PRR11: variants seen among roughly 807,000 people sequenced by gnomAD.
PRR11 encodes the protein proline-rich protein 11.
A neutral mutation model predicts 45.6 loss-of-function variants in PRR11; 30 were observed. That is an observed-to-expected ratio of 0.66 (90% CI 0.49 to 0.89). The LOEUF is 0.89. Ranked by LOEUF, PRR11 falls within the 40% of genes least tolerant of loss-of-function variation. The pLI, the probability that PRR11 is intolerant of heterozygous loss-of-function variation, is 0.00. For missense variants in PRR11, 373 were observed against 424.8 expected (o/e 0.88, Z 1.07); for synonymous variants, 128 against 153.5 (o/e 0.83, Z 1.23).
At chr17:59,198,566 C>T (rs1255390579) in intron 9 of PRR11, among the ~76,000 whole-genome samples, 1 of 151,754 alleles carries the variant, frequency 6.6e-6, no homozygotes, top group Non-Finnish European at 1.5e-5. Context: ...CCCAGCTACT[C>T]GGGAGGCTGA....
At position 59,185,578 on chromosome 17, in the gene PRR11, T is replaced by C; in HGVS notation, c.402+16T>C. 1 of 1,580,008 alleles carries C rather than the reference T, an allele frequency of 6.3e-7. No homozygotes were observed. The highest frequency in any genetic ancestry group is 8.6e-7 in the Non-Finnish European group (1 of 1,165,638). On this transcript the variant is annotated intron_variant, in intron 4 of 9. Coordinates refer to ENST00000262293, the MANE Select transcript of PRR11 (RefSeq NM_018304.4). ...AGCACTGAAGGTTGGTATTGTCAAA[T>C]AAAAAGCAAATCTGGAATTAGGTAA...
chr17:59,162,239 CACACACACACAGA>C (rs1166033042), intron 1 of PRR11, among the ~76,000 whole-genome samples: 2,056 of 151,890 alleles, frequency 0.014, 59 homozygotes, highest in African/African-American at 0.047. Flanking sequence ...CACACACACA[CACACACACACAGA>C]GAGAGAGAGA....
At chr17:59,189,160 C>T (rs1179584405) in intron 4 of PRR11, among the ~76,000 whole-genome samples, 1 of 150,944 alleles carries the variant, frequency 6.6e-6, no homozygotes, top group Admixed American at 6.6e-5. Context: ...ATTAGCTGGG[C>T]GTGGTGGCGC....
At chr17:59,173,539 A>G in intron 2 of PRR11, among the ~76,000 whole-genome samples, 1 of 152,094 alleles carries the variant, frequency 6.6e-6, no homozygotes, top group Non-Finnish European at 1.5e-5. Context: ...CTGCCTTAAG[A>G]GCTGTAACAC....
In PRR11 at chr17:59,185,571, T is replaced by A. The variant is rs780585581; in HGVS notation, c.402+9T>A. 6.3e-6 allele frequency: 10 copies of A among 1,584,698 alleles called. No homozygotes were observed. Among genetic ancestry groups the A allele is most frequent in the Admixed American group, 1.9e-5 (1 of 51,320 alleles). ...TCCAGGAAGCACTGAAGGTTGGTATTGTCAAATAAAAAGCAAATCTGGAAT... is the reference window on the plus strand; with the variant it reads ...TCCAGGAAGCACTGAAGGTTGGTATAGTCAAATAAAAAGCAAATCTGGAAT... On this transcript the variant is annotated intron_variant, in intron 4 of 9. Transcript: ENST00000262293.
chr17:59,197,906 G>A (rs1417421096), intron 9 of PRR11, 117 bp downstream of exon 9: 3 of 859,390 alleles, frequency 3.5e-6, no homozygotes, highest in Admixed American at 5.0e-5. Flanking sequence ...GATTGCTTGA[G>A]CCTAGCAGTT....
At chr17:59,176,477 C>G (rs1961444927) in intron 2 of PRR11, among the ~76,000 whole-genome samples, 1 of 152,008 alleles carries the variant, frequency 6.6e-6, no homozygotes, top group Non-Finnish European at 1.5e-5. Context: ...TGAACTGTTG[C>G]CTCTGTCATG....
intron 2 of PRR11, among the ~76,000 whole-genome samples, chr17:59,174,336 A>T (rs1322657949): frequency 6.6e-6 from 1 of 152,230 alleles, no homozygotes; most frequent in African/African-American, 2.4e-5. Context: ...CTAATCCATA[A>T]TCCTACCTCC....
chr17:59,187,523 T>A (rs2046819780), intron 4 of PRR11, among the ~76,000 whole-genome samples: 1 of 150,446 alleles, frequency 6.6e-6, no homozygotes, highest in Admixed American at 6.6e-5. Context: ...TGAGCTGAGA[T>A]CGCATCACTG....
chr17:59,201,972 A>G lies in PRR11; in HGVS notation c.*341A>G. The stretch of plus-strand genomic sequence containing the variant: ...AGCAACAAGAGCAAAACAAAAACAA[A>G]CAAACAAACAAAAAAAACCCACCCA... On this transcript the variant is annotated 3_prime_UTR_variant, in exon 10 of 10. Coordinates refer to ENST00000262293, the MANE Select transcript of PRR11 (RefSeq NM_018304.4). The G allele has an allele frequency of 4.2e-6, 1 of 236,262 alleles. No individual in the cohort carries two copies. Among genetic ancestry groups the G allele is most frequent in the Non-Finnish European group, 8.5e-6 (1 of 117,746 alleles). 14.6% of individuals were successfully genotyped at this position (236,262 alleles called of 1,614,324 possible).
chr17:59,183,491 G>A (rs1299491141), intron 2 of PRR11, among the ~76,000 whole-genome samples: 1 of 152,182 alleles, frequency 6.6e-6, no homozygotes, highest in Non-Finnish European at 1.5e-5. Flanking sequence ...TCTGCCGAAT[G>A]TTTACTGACA....
intron 2 of PRR11, among the ~76,000 whole-genome samples, chr17:59,172,739 G>A (rs1033505934): frequency 2.6e-4 from 39 of 152,222 alleles, no homozygotes; most frequent in African/African-American, 5.5e-4. Context: ...ATTTCTCGCC[G>A]GGCCTCAGCT....
intron 2 of PRR11, among the ~76,000 whole-genome samples, chr17:59,172,326 C>A (rs2046713440): frequency 6.6e-6 from 1 of 152,220 alleles, no homozygotes; most frequent in Non-Finnish European, 1.5e-5. Context: ...CCTGGTTTCT[C>A]ACTGTTCTCT....
At chr17:59,185,885 G>T (rs1011290112) in intron 4 of PRR11, among the ~76,000 whole-genome samples, 2 of 152,148 alleles carry the variant, frequency 1.3e-5, no homozygotes, top group Non-Finnish European at 1.5e-5. Flanking sequence ...GCTAAATCCT[G>T]ACTAAAGTTT....
At chr17:59,183,214 T>C (rs528499227) in intron 2 of PRR11, among the ~76,000 whole-genome samples, 1 of 152,254 alleles carries the variant, frequency 6.6e-6, no homozygotes. Context: ...TCCAAAAGCA[T>C]CTTCAGGGTC....
Position 59,205,594 on chromosome 17 carries a change from G to A in PRR11, c.*3963G>A, listed in dbSNP as rs112188410. Among the ~76,000 whole-genome samples, 4,202 of 151,216 alleles carry A rather than the reference G, an allele frequency of 0.028. 86 individuals carry two copies. The highest frequency in any genetic ancestry group is 0.045 in the Non-Finnish European group (3,040 of 67,816). On this transcript the variant is annotated 3_prime_UTR_variant, in exon 10 of 10. Coordinates refer to ENST00000262293, the MANE Select transcript of PRR11 (RefSeq NM_018304.4). Reference sequence around the variant, plus strand: ...GCAGACACCTGTAATCCCAGCTACTGGGAAGGCTGAGCCAGAATGGCTTGA... The same window carrying A: ...GCAGACACCTGTAATCCCAGCTACTAGGAAGGCTGAGCCAGAATGGCTTGA...
At chr17:59,189,177 A>G (rs1467170213) in intron 4 of PRR11, among the ~76,000 whole-genome samples, 1 of 150,752 alleles carries the variant, frequency 6.6e-6, no homozygotes, top group Non-Finnish European at 1.5e-5. Flanking sequence ...GCGCATGTCC[A>G]TAGTCCCAGC....
chr17:59,165,095 A>G (rs1599690923), intron 1 of PRR11, among the ~76,000 whole-genome samples: 1 of 151,910 alleles, frequency 6.6e-6, no homozygotes, highest in South Asian at 2.1e-4. Flanking sequence ...GTCTCGGCTC[A>G]CTGCAAGCTC....
chr17:59,185,272 G>A, intron 3 of PRR11, 68 bp downstream of exon 3: 1 of 1,573,830 alleles, frequency 6.4e-7, no homozygotes, highest in Non-Finnish European at 8.7e-7. Context: ...ATATACATAT[G>A]TGCTCAAGTC....
Sources: allele counts gnomAD v4.1 joint callset (sites outside exome capture counted in the v4.1 genomes callset), GRCh38; gene constraint gnomAD v4.1.1; transcripts MANE v1.5; gene names NCBI Gene and HGNC (gene_info 2026-07-23, HGNC 2026-07-21).